The following DSCAML1 variants were observed in gnomAD, a reference collection of about 807,000 sequenced individuals.
DSCAML1 encodes DS cell adhesion molecule like 1, also known as cell adhesion molecule DSCAML1.
In DSCAML1, 38 loss-of-function variants were observed where a neutral mutation model predicts 200.5. The observed-to-expected ratio is 0.19, with a 90% CI of 0.15 to 0.25. The LOEUF (loss-of-function observed/expected upper bound fraction) is 0.25, where lower values mean the gene tolerates loss of function less well. DSCAML1 is among the 10% of genes least tolerant of loss of function. The pLI is 1.00. For missense variants in DSCAML1, 2,223 were observed against 2,858.8 expected (o/e 0.78, Z 5.07); for synonymous variants, 1,215 against 1,165.0 (o/e 1.04, Z -0.87).
chr11:117,429,222 A>G (rs1298139679), intron 32 of DSCAML1, among the ~76,000 whole-genome samples: 3 of 152,010 alleles, frequency 2.0e-5, no homozygotes, highest in Non-Finnish European at 2.9e-5. Flanking sequence ...GCTTTTCTTT[A>G]CCCTGAGGAG....
At chr11:117,774,733 G>A (rs568969866) in intron 3 of DSCAML1, among the ~76,000 whole-genome samples, 11 of 152,232 alleles carry the variant, frequency 7.2e-5, no homozygotes, top group South Asian at 2.1e-4. Flanking sequence ...ACATTTATAC[G>A]GTGGGTGAGG....
intron 3 of DSCAML1, among the ~76,000 whole-genome samples, chr11:117,694,692 C>A (rs140740857): frequency 3.9e-5 from 6 of 152,138 alleles, no homozygotes; most frequent in African/African-American, 1.2e-4. Context: ...CTAAGTGGCA[C>A]GTTGGTGGCT....
chr11:117,558,115 G>A (rs1437246498), intron 3 of DSCAML1, among the ~76,000 whole-genome samples: 1 of 152,146 alleles, frequency 6.6e-6, no homozygotes, highest in Admixed American at 6.5e-5. Context: ...GATGGGCGAT[G>A]AGGTTTAGCC....
intron 1 of DSCAML1, among the ~76,000 whole-genome samples, chr11:117,816,450 G>C (rs1176505504): frequency 2.0e-5 from 3 of 152,242 alleles, no homozygotes; most frequent in African/African-American, 7.2e-5. Context: ...ATGAAGAATG[G>C]GCGCTTGGTG....
rs1050639945 is a variant in DSCAML1 at position 117,498,618 on chromosome 11, A to G, written c.2359+5227T>C. Among the ~76,000 whole-genome samples the G allele has an allele frequency of 2.0e-5, 3 of 152,126 alleles. No homozygotes were observed. The highest frequency in any genetic ancestry group is 4.4e-5 in the Non-Finnish European group (3 of 68,020). On this transcript the variant is annotated intron_variant, in intron 11 of 32. Coordinates refer to ENST00000651296, the MANE Select transcript of DSCAML1 (RefSeq NM_020693.4). The surrounding 1 kb of genome is among the most constrained non-coding windows in gnomAD (Gnocchi z 4.0). ...AGGACCATCTTGGATCTCCAGACGC[A>G]CTTTTCCAAAGTTTTGCATCCTGAC...
At chr11:117,729,041 C>G (rs2054177866) in intron 3 of DSCAML1, among the ~76,000 whole-genome samples, 1 of 152,164 alleles carries the variant, frequency 6.6e-6, no homozygotes, top group African/African-American at 2.4e-5. Context: ...CTACGGTAAT[C>G]AAGATAGTGT....
chr11:117,799,058 G>A (rs556481125), upstream of DSCAML1, among the ~76,000 whole-genome samples: 110 of 152,302 alleles, frequency 7.2e-4, no homozygotes, highest in Non-Finnish European at 1.0e-3. Context: ...CTGAGGCCCA[G>A]AGTGGGGAAG....
rs1592573294 is a variant in DSCAML1 at position 117,438,094 on chromosome 11, T to C, written c.4244-11A>G. ...ACTGTAGCACGAAGCCTGCGGAGGG[T>C]AGGCCTGATTCAGGTGGGGGCAGGG... On this transcript the variant is annotated splice_polypyrimidine_tract_variant and intron_variant, in intron 24 of 32. Transcript: ENST00000651296. The C allele has an allele frequency of 6.3e-7, 1 of 1,596,766 alleles. No homozygotes were observed. The highest frequency in any genetic ancestry group is 1.1e-5 in the South Asian group (1 of 89,336).
At chr11:117,586,963 C>T (rs1236915593) in intron 3 of DSCAML1, among the ~76,000 whole-genome samples, 3 of 152,168 alleles carry the variant, frequency 2.0e-5, no homozygotes, top group Non-Finnish European at 4.4e-5. Context: ...CCCCAGGATG[C>T]TCCTCCATCA....
At position 117,780,244 on chromosome 11, in the gene DSCAML1, G is replaced by GAAAGAAAAAGAAAGAAAGAAAGAA. The variant is rs1555032704; in HGVS notation, c.364+248_364+249insTTCTTTCTTTCTTTCTTTTTCTTT. 2.9e-5 allele frequency among the ~76,000 whole-genome samples: 2 copies of GAAAGAAAAAGAAAGAAAGAAAGAA among 69,548 alleles called. No homozygotes were observed. The highest frequency in any genetic ancestry group is 1.0e-4 in the African/African-American group (2 of 20,062). The allele number at this position is 69,548 out of a possible 152,430, so 45.6% of individuals were successfully genotyped here. A position where few individuals can be genotyped will look rare whatever the true frequency, so the allele number is the denominator to read the frequency against. Reference sequence around the variant, plus strand: ...GAAAGAAAGAAAGGAAAGAAAGAAAGAAAGAAAGAAAGAAAGAAAGAAAGA... The same window carrying GAAAGAAAAAGAAAGAAAGAAAGAA: ...GAAAGAAAGAAAGGAAAGAAAGAAAGAAAGAAAAAGAAAGAAAGAAAGAAAAAGAAAGAAAGAAAGAAAGAAAGA... On this transcript the variant is annotated intron_variant, in intron 2 of 32. Coordinates refer to ENST00000651296, the MANE Select transcript of DSCAML1 (RefSeq NM_020693.4). This position sits in a 1 kb window ranked among gnomAD's most constrained non-coding sequence, Gnocchi z 4.8.
chr11:117,684,448 A>AG (rs2053368591), intron 3 of DSCAML1, among the ~76,000 whole-genome samples: 1 of 149,306 alleles, frequency 6.7e-6, no homozygotes, highest in Non-Finnish European at 1.5e-5. Context: ...AAAAAAAAAA[A>AG]AAAAAAAAAA....
chr11:117,488,749 T>C (rs1478348310), intron 11 of DSCAML1, among the ~76,000 whole-genome samples: 1 of 152,246 alleles, frequency 6.6e-6, no homozygotes, highest in African/African-American at 2.4e-5. Flanking sequence ...CACACTGCTG[T>C]AGTCCATAAG....
chr11:117,672,112 A>G (rs1156412493), intron 3 of DSCAML1, among the ~76,000 whole-genome samples: 1 of 150,448 alleles, frequency 6.6e-6, no homozygotes. Context: ...GAAAAAAAAA[A>G]AAAAAAAAAA....
chr11:117,810,425 C>T (rs992850341), intron 1 of DSCAML1, among the ~76,000 whole-genome samples: 1 of 150,932 alleles, frequency 6.6e-6, no homozygotes, highest in Non-Finnish European at 1.5e-5. Flanking sequence ...ACCCCGACCT[C>T]TTATCTCTGT....
In DSCAML1 at chr11:117,505,773, T is replaced by G. The variant is rs1308277884; in HGVS notation, c.1784-41A>C. On this transcript the variant is annotated intron_variant, in intron 8 of 32. Coordinates refer to ENST00000651296, the MANE Select transcript of DSCAML1 (RefSeq NM_020693.4). The surrounding 1 kb of genome is among the most constrained non-coding windows in gnomAD (Gnocchi z 6.7). ...GGTGCTGCCGTCAGGACCCTGTGCA[T>G]TCTCACCTGGCCGCCAACGCCGCCT... The G allele has an allele frequency of 1.3e-6, 2 of 1,578,914 alleles. No individual in the cohort carries two copies. Among genetic ancestry groups the G allele is most frequent in the African/African-American group, 2.7e-5 (2 of 74,444 alleles).
intron 11 of DSCAML1, among the ~76,000 whole-genome samples, chr11:117,500,055 T>C (rs928269793): frequency 4.6e-5 from 7 of 152,232 alleles, no homozygotes; most frequent in Admixed American, 1.3e-4. Flanking sequence ...ACCCTGAGTT[T>C]CCTCAACATA....
rs1031298910 is a variant in DSCAML1, at chr11:117,486,350, A to G, written c.2360-4188T>C. 2.1e-3 allele frequency among the ~76,000 whole-genome samples: 311 copies of G among 146,216 alleles called. 1 individual carries two copies. The highest frequency in any genetic ancestry group is 3.5e-3 in the Middle Eastern group (1 of 286). On this transcript the variant is annotated intron_variant, in intron 11 of 32. Transcript: ENST00000651296. ...GGATGTGAAAATGGCGGATGTGATA[A>G]TGGCGGATGTGAAAGTGGCTGATGT...
intron 3 of DSCAML1, among the ~76,000 whole-genome samples, chr11:117,604,634 C>T (rs573467313): frequency 6.6e-6 from 1 of 152,350 alleles, no homozygotes; most frequent in South Asian, 2.1e-4. Context: ...GGTCCAAGCC[C>T]GTTTGTTCAC....
intron 3 of DSCAML1, among the ~76,000 whole-genome samples, chr11:117,607,103 G>A (rs957871542): frequency 6.6e-6 from 1 of 152,222 alleles, no homozygotes; most frequent in South Asian, 2.1e-4. Context: ...CACAGCAGCT[G>A]GGGGAGGGCA....
Sources: allele counts gnomAD v4.1 joint callset (sites outside exome capture counted in the v4.1 genomes callset), GRCh38; gene constraint gnomAD v4.1.1; non-coding constraint Gnocchi (gnomAD v3.1); transcripts MANE v1.5; gene names NCBI Gene and HGNC (gene_info 2026-07-23, HGNC 2026-07-21).